CNTNAP2: variants seen among roughly 807,000 people sequenced by gnomAD.
CNTNAP2 encodes the protein contactin associated protein 2, also known as contactin-associated protein-like 2.
A neutral mutation model predicts 155.2 loss-of-function variants in CNTNAP2; 98 were observed. The observed-to-expected ratio is 0.63, with a 90% CI of 0.54 to 0.75. The LOEUF (loss-of-function observed/expected upper bound fraction) is 0.75. Ranked by LOEUF, CNTNAP2 falls within the 30% of genes least tolerant of loss-of-function variation. The pLI, the probability that CNTNAP2 is intolerant of heterozygous loss-of-function variation, is 0.00. For synonymous variants in CNTNAP2, 651 were observed against 631.2 expected, an observed-to-expected ratio of 1.03 and a Z score of -0.47; for missense variants, 1,727 against 1,688.1, an observed-to-expected ratio of 1.02 and a Z score of -0.40.
intron 17 of CNTNAP2, among the ~76,000 whole-genome samples, chr7:148,162,849 A>C (rs2116676783): frequency 6.6e-6 from 1 of 152,288 alleles, no homozygotes; most frequent in East Asian, 1.9e-4. Context: ...AAATTTTTTT[A>C]ATTAACCAGG....
Position 147,031,749 on chromosome 7 carries a change from C to G in CNTNAP2, c.403-12158C>G, listed in dbSNP as rs1450648589. ...CCTGGGCAATGTGGTGAAACCTCATCTCTACTAAAAATACAAAAATTAGCC... is the reference window on the plus strand; with the variant it reads ...CCTGGGCAATGTGGTGAAACCTCATGTCTACTAAAAATACAAAAATTAGCC... On this transcript the variant is annotated intron_variant, in intron 3 of 23. Coordinates refer to ENST00000361727, the MANE Select transcript of CNTNAP2 (RefSeq NM_014141.6). 2.6e-5 allele frequency among the ~76,000 whole-genome samples: 4 copies of G among 152,150 alleles called. No homozygotes were observed. The East Asian group carries it at 7.7e-4, about 29-fold the overall frequency.
chr7:147,705,189 G>A (rs903209871), intron 13 of CNTNAP2, among the ~76,000 whole-genome samples: 12 of 151,576 alleles, frequency 7.9e-5, no homozygotes, highest in African/African-American at 2.9e-4. Context: ...TTTGACATAG[G>A]TGTTTATGGC....
At position 147,433,416 on chromosome 7, in the gene CNTNAP2, C is replaced by G. The variant is rs546998864; in HGVS notation, c.1670+37636C>G. Among the ~76,000 whole-genome samples the G allele has an allele frequency of 4.6e-5, 7 of 152,218 alleles. No homozygotes were observed. The South Asian group carries it at 1.5e-3, about 32-fold the overall frequency. On this transcript the variant is annotated intron_variant, in intron 10 of 23. Transcript: ENST00000361727. Reference sequence around the variant, plus strand: ...TCTATAGTAGTTCATTTGGTCACAGCGTGTTTGCTTTACTTTTGGATCTTG... The same window carrying G: ...TCTATAGTAGTTCATTTGGTCACAGGGTGTTTGCTTTACTTTTGGATCTTG...
At chr7:147,607,715 A>G (rs1252651085) in intron 12 of CNTNAP2, among the ~76,000 whole-genome samples, 2 of 152,088 alleles carry the variant, frequency 1.3e-5, no homozygotes, top group Non-Finnish European at 2.9e-5. Context: ...TCAATTGTAT[A>G]TTTTCTGCTG....
Position 147,571,422 on chromosome 7 carries a change from A to G in CNTNAP2, c.1897+9165A>G, listed in dbSNP as rs1000578782. The stretch of plus-strand genomic sequence containing the variant: ...TAATATAATTTTCTAAGAGCTTTAC[A>G]TAATTTGTATATTTCCTGTCTACCT... On this transcript the variant is annotated intron_variant, in intron 12 of 23. Coordinates refer to ENST00000361727, the MANE Select transcript of CNTNAP2 (RefSeq NM_014141.6). Among the ~76,000 whole-genome samples, 8 of 152,014 alleles carry G rather than the reference A, an allele frequency of 5.3e-5. No individual in the cohort carries two copies. The East Asian group carries it at 1.2e-3, about 22-fold the overall frequency.
intron 12 of CNTNAP2, among the ~76,000 whole-genome samples, chr7:147,623,088 A>G (rs988172977): frequency 6.6e-6 from 1 of 152,070 alleles, no homozygotes; most frequent in South Asian, 2.1e-4. Flanking sequence ...ACCTGAAGAT[A>G]TGAATATCCA....
intron 1 of CNTNAP2, among the ~76,000 whole-genome samples, chr7:146,627,507 T>C (rs1309190139): frequency 1.3e-5 from 2 of 152,168 alleles, no homozygotes; most frequent in African/African-American, 4.8e-5. Flanking sequence ...GTTTAGAATA[T>C]ACTAAATGTA....
intron 18 of CNTNAP2, among the ~76,000 whole-genome samples, chr7:148,209,259 G>C (rs1178627169): frequency 6.6e-6 from 1 of 151,526 alleles, no homozygotes; most frequent in Non-Finnish European, 1.5e-5. Flanking sequence ...TGGGACTACA[G>C]GCTTGTGCCA....
At chr7:148,326,137 GT>G (rs55932829) in intron 21 of CNTNAP2, among the ~76,000 whole-genome samples, 86 of 149,378 alleles carry the variant, frequency 5.8e-4, no homozygotes, top group African/African-American at 1.8e-3. Flanking sequence ...ATGCAAACAG[GT>G]TTTTTTTTTT....
At chr7:146,741,600 G>A (rs1801717537) in intron 1 of CNTNAP2, among the ~76,000 whole-genome samples, 1 of 152,166 alleles carries the variant, frequency 6.6e-6, no homozygotes, top group Admixed American at 6.5e-5. Flanking sequence ...CAAAGGATAT[G>A]AATTTATGGT....
At chr7:147,851,345 AT>A (rs1554441781) in intron 13 of CNTNAP2, among the ~76,000 whole-genome samples, 2 of 152,232 alleles carry the variant, frequency 1.3e-5, no homozygotes, top group Non-Finnish European at 2.9e-5. Context: ...TAATTCAACC[AT>A]TGTGGAAGAC....
intron 20 of CNTNAP2, among the ~76,000 whole-genome samples, chr7:148,266,095 C>T (rs1251973865): frequency 1.3e-5 from 2 of 152,240 alleles, no homozygotes; most frequent in Non-Finnish European, 2.9e-5. Flanking sequence ...CCTTCCTCTA[C>T]ACAATTGACG....
At chr7:146,605,087 CA>C (rs57021805) in intron 1 of CNTNAP2, among the ~76,000 whole-genome samples, 33,745 of 143,888 alleles carry the variant, frequency 0.23, 4,638 homozygotes, top group East Asian at 0.5. Flanking sequence ...AAAAAAACAA[CA>C]AAAAAAAAAA....
rs548604024 is a variant in CNTNAP2, at chr7:146,891,671, C to A, written c.402+51767C>A. On this transcript the variant is annotated intron_variant, in intron 3 of 23. Coordinates refer to ENST00000361727, the MANE Select transcript of CNTNAP2 (RefSeq NM_014141.6). The stretch of plus-strand genomic sequence containing the variant: ...TATGACATTATGAAGGATCTTCTAA[C>A]ATGAACATAACAACAGCAAAAATGG... 1.2e-4 allele frequency among the ~76,000 whole-genome samples: 18 copies of A among 152,198 alleles called. No individual in the cohort carries two copies. The South Asian group carries it at 3.7e-3, about 32-fold the overall frequency.
At chr7:147,007,739 T>C (rs1798550524) in intron 3 of CNTNAP2, among the ~76,000 whole-genome samples, 1 of 152,116 alleles carries the variant, frequency 6.6e-6, no homozygotes, top group African/African-American at 2.4e-5. Context: ...TCTGAGCATA[T>C]TTAATTTCTA....
At chr7:147,591,394 G>T (rs1370970932) in intron 12 of CNTNAP2, among the ~76,000 whole-genome samples, 9 of 152,030 alleles carry the variant, frequency 5.9e-5, no homozygotes, top group Non-Finnish European at 1.5e-5. Context: ...ACATCAGTTG[G>T]ATTAGATGAA....
In CNTNAP2 at chr7:147,121,063, T is replaced by C. The variant is rs1401268180; in HGVS notation, c.839T>C (p.Val280Ala). 1 of 1,613,968 alleles carries C rather than the reference T, an allele frequency of 6.2e-7. No homozygotes were observed. The highest frequency in any genetic ancestry group is 8.5e-7 in the Non-Finnish European group (1 of 1,180,014). The change falls in exon 6 of 24, where the codon GTC (valine) becomes GCC (alanine). Residue 280 changes from valine (V) to alanine (A), a missense_variant. By Grantham distance (64) the Val-to-Ala change is moderately conservative. Coordinates refer to ENST00000361727, the MANE Select transcript of CNTNAP2 (RefSeq NM_014141.6). ...LLDDHHWHSV[V>A]IERQGRSINL... is the part of the protein sequence containing the mutation. Reference sequence around the variant, plus strand: ...GATGACCACCACTGGCACTCTGTGGTCATTGAGCGCCAGGGGCGGAGCATT... The same window carrying C: ...GATGACCACCACTGGCACTCTGTGGCCATTGAGCGCCAGGGGCGGAGCATT...
intron 10 of CNTNAP2, among the ~76,000 whole-genome samples, chr7:147,480,120 G>A (rs1349548689): frequency 6.6e-6 from 1 of 152,074 alleles, no homozygotes; most frequent in African/African-American, 2.4e-5. Context: ...TGAGAGTCAC[G>A]AGTATGAAAA....
At chr7:148,103,683 T>C (rs913935340) in intron 15 of CNTNAP2, among the ~76,000 whole-genome samples, 3 of 152,196 alleles carry the variant, frequency 2.0e-5, no homozygotes, top group Non-Finnish European at 4.4e-5. Context: ...AACAGAATCG[T>C]TCTCGCTCTC....
Sources: gnomAD v4.1 joint callset for allele counts (sites outside exome capture counted in the v4.1 genomes callset) on GRCh38, gnomAD v4.1.1 for gene constraint, MANE v1.5 for transcripts, NCBI Gene and HGNC (gene_info 2026-07-23, HGNC 2026-07-21) for gene names.